Variants in LEF1 observed in about 807,000 individuals in gnomAD.
LEF1 encodes lymphoid enhancer-binding factor 1.
Under a neutral mutation model 51.2 loss-of-function variants are expected in LEF1, and 14 were observed. The observed-to-expected ratio is 0.27, with a 90% confidence interval of 0.18 to 0.43. The LOEUF is 0.43. Ranked by LOEUF, LEF1 falls within the 20% of genes least tolerant of loss-of-function variation. LEF1 has a pLI of 1.00. For synonymous variants in LEF1, 185 were observed against 183.2 expected (o/e 1.01, Z -0.08); for missense variants, 386 against 512.0 (o/e 0.75, Z 2.37).
intron 3 of LEF1, among the ~76,000 whole-genome samples, chr4:108,149,462 A>AAAACAAAAAAC (rs1469839633): frequency 2.7e-5 from 4 of 147,630 alleles, no homozygotes; most frequent in African/African-American, 1.0e-4. Context: ...CCGTCTCAAA[A>AAAACAAAAAAC]AAAAAAAAAA....
At chr4:108,093,927 A>G (rs1247068548) in intron 3 of LEF1, among the ~76,000 whole-genome samples, 1 of 152,228 alleles carries the variant, frequency 6.6e-6, no homozygotes, top group Non-Finnish European at 1.5e-5. Context: ...TGTGCTAAGC[A>G]CTTTATCCTC....
chr4:108,106,081 T>A (rs1175897271), intron 3 of LEF1, among the ~76,000 whole-genome samples: 1 of 152,012 alleles, frequency 6.6e-6, no homozygotes, highest in Non-Finnish European at 1.5e-5. Flanking sequence ...TCACAAATGC[T>A]CAGAGGTGAG....
intron 4 of LEF1, among the ~76,000 whole-genome samples, chr4:108,084,755 TACTG>T (rs1483941269): frequency 6.6e-6 from 1 of 152,200 alleles, no homozygotes; most frequent in Non-Finnish European, 1.5e-5. Context: ...TTGTTAGAAA[TACTG>T]ACTCTTTTGG....
At chr4:108,050,875 T>C (rs1345726997) in intron 11 of LEF1, among the ~76,000 whole-genome samples, 1 of 152,098 alleles carries the variant, frequency 6.6e-6, no homozygotes, top group Non-Finnish European at 1.5e-5. Context: ...ATGGCCCTGC[T>C]GTGGCCCCAT....
chr4:108,121,945 G>C (rs1259778720), intron 3 of LEF1, among the ~76,000 whole-genome samples: 2 of 152,086 alleles, frequency 1.3e-5, no homozygotes, highest in African/African-American at 4.8e-5. Context: ...GATAAATAAG[G>C]GTTTTTCTAG....
At chr4:108,068,532 T>A (rs767175432) in intron 9 of LEF1, among the ~76,000 whole-genome samples, 26 of 152,180 alleles carry the variant, frequency 1.7e-4, no homozygotes, top group Non-Finnish European at 3.5e-4. Flanking sequence ...TTAAGACAGT[T>A]CCTAACCATC....
intron 9 of LEF1, 50 bp from the exon 10 acceptor site, chr4:108,064,434 A>C (rs1223329139): frequency 1.4e-6 from 2 of 1,392,052 alleles, no homozygotes; most frequent in Non-Finnish European, 2.0e-6. Flanking sequence ...CCATGAACAC[A>C]CAGATGAATG....
At chr4:108,072,162 A>G (rs952902651) in intron 8 of LEF1, 10 of 152,044 alleles carry the variant, frequency 6.6e-5, no homozygotes, top group Non-Finnish European at 1.3e-4. Context: ...CTCCCTGTTC[A>G]TGTTTTTTAA....
chr4:108,076,083 A>G (rs1214559692), intron 8 of LEF1, among the ~76,000 whole-genome samples: 1 of 152,120 alleles, frequency 6.6e-6, no homozygotes, highest in Non-Finnish European at 1.5e-5. Flanking sequence ...CTCCATCTGC[A>G]TGTGGGGGAG....
chr4:108,149,924 G>T (rs1578399660), intron 3 of LEF1, among the ~76,000 whole-genome samples: 1 of 148,574 alleles, frequency 6.7e-6, no homozygotes. Flanking sequence ...TCTTTCATGG[G>T]TTTTCCCCCG....
chr4:108,144,761 G>A (rs150333066), intron 3 of LEF1, among the ~76,000 whole-genome samples: 49 of 149,070 alleles, frequency 3.3e-4, no homozygotes, highest in African/African-American at 1.1e-3. Flanking sequence ...TGGGCCACAC[G>A]AGGGTGAAAC....
At chr4:108,073,895 G>C (rs753954417) in intron 8 of LEF1, among the ~76,000 whole-genome samples, 1 of 150,924 alleles carries the variant, frequency 6.6e-6, no homozygotes, top group Non-Finnish European at 1.5e-5. Flanking sequence ...GCGCGATCTC[G>C]GCTCACTGCA....
intron 3 of LEF1, among the ~76,000 whole-genome samples, chr4:108,157,341 T>C (rs1164610487): frequency 6.6e-6 from 1 of 152,030 alleles, no homozygotes; most frequent in Non-Finnish European, 1.5e-5. Flanking sequence ...GCTTGGCACC[T>C]GCCACCAAGC....
chr4:108,059,114 TA>T (rs1463272996), intron 11 of LEF1, among the ~76,000 whole-genome samples: 1 of 152,104 alleles, frequency 6.6e-6, no homozygotes, highest in Non-Finnish European at 1.5e-5. Context: ...ACATTAATGG[TA>T]ATTTATTTGT....
intron 3 of LEF1, among the ~76,000 whole-genome samples, chr4:108,147,844 T>G (rs1000981857): frequency 6.6e-6 from 1 of 152,206 alleles, no homozygotes; most frequent in Admixed American, 6.5e-5. Flanking sequence ...GTAAAGCAAT[T>G]TTCCCACCTG....
intron 3 of LEF1, among the ~76,000 whole-genome samples, chr4:108,158,472 A>G (rs940777974): frequency 1.3e-5 from 2 of 152,168 alleles, no homozygotes; most frequent in Non-Finnish European, 2.9e-5. Context: ...CAGCACCTAC[A>G]TAATGCTGAG....
intron 3 of LEF1, among the ~76,000 whole-genome samples, chr4:108,146,892 C>T (rs1744026755): frequency 6.6e-6 from 1 of 152,074 alleles, no homozygotes; most frequent in Non-Finnish European, 1.5e-5. Flanking sequence ...CATAAGAAGT[C>T]CAGGAGCTTT....
chr4:108,160,103 G>T (rs1446009094), intron 3 of LEF1, among the ~76,000 whole-genome samples: 1 of 152,140 alleles, frequency 6.6e-6, no homozygotes, highest in African/African-American at 2.4e-5. Flanking sequence ...AAACATTTGG[G>T]TTGCATGCGG....
chr4:108,167,511 G>T lies in LEF1; in HGVS notation c.213+44C>A, dbSNP rs1434564407. 10 of 1,599,848 alleles carry T rather than the reference G, an allele frequency of 6.3e-6. No individual in the cohort carries two copies. The highest frequency in any genetic ancestry group is 7.7e-6 in the Non-Finnish European group (9 of 1,169,906). ...CCTTCCTCCCTCTCTGAGTTTCCCA[G>T]GGACCCGCCACGCCTCTCGGAACTG... On this transcript the variant is annotated intron_variant, in intron 1 of 11. Transcript: ENST00000265165. The surrounding 1 kb of genome is among the most constrained non-coding windows in gnomAD (Gnocchi z 5.7).
Sources: gnomAD v4.1 joint callset for allele counts (sites outside exome capture counted in the v4.1 genomes callset) on GRCh38, gnomAD v4.1.1 for gene constraint, Gnocchi (gnomAD v3.1) non-coding constraint, MANE v1.5 for transcripts, NCBI Gene and HGNC (gene_info 2026-07-23, HGNC 2026-07-21) for gene names.